EPHA3: variants seen among roughly 807,000 people sequenced by gnomAD.
EPHA3 encodes the protein ephrin type-A receptor 3.
EPHA3 carries 42 observed loss-of-function variants against 107.1 expected under a neutral mutation model. That is an observed-to-expected ratio of 0.39 (90% CI 0.31 to 0.51). EPHA3 has a LOEUF of 0.51. EPHA3 is among the 20% of genes least tolerant of loss of function. EPHA3 has a pLI of 0.78. For synonymous variants in EPHA3, 461 were observed against 424.8 expected (o/e 1.09, Z -1.05); for missense variants, 1,183 against 1,211.2 (o/e 0.98, Z 0.35).
chr3:89,311,406 C>T (rs1706763074), intron 3 of EPHA3, among the ~76,000 whole-genome samples: 1 of 151,940 alleles, frequency 6.6e-6, no homozygotes, highest in African/African-American at 2.4e-5. Flanking sequence ...TAAGTGAAAC[C>T]ATGCAAACTT....
intron 2 of EPHA3, among the ~76,000 whole-genome samples, chr3:89,201,322 G>T (rs1328363696): frequency 6.6e-6 from 1 of 152,116 alleles, no homozygotes; most frequent in Non-Finnish European, 1.5e-5. Context: ...CAACATTGGG[G>T]ATTACCATTC....
intron 2 of EPHA3, among the ~76,000 whole-genome samples, chr3:89,139,044 T>C: frequency 6.6e-6 from 1 of 151,808 alleles, no homozygotes; most frequent in East Asian, 1.9e-4. Context: ...TTCCCTTCTG[T>C]ATAACAGTCA....
At chr3:89,431,465 C>A in intron 13 of EPHA3, 106 bp downstream of exon 13, 3 of 835,108 alleles carry the variant, frequency 3.6e-6, no homozygotes, top group Non-Finnish European at 5.5e-6. Flanking sequence ...GTCAATTATG[C>A]TTTCCACAAT....
intron 5 of EPHA3, among the ~76,000 whole-genome samples, chr3:89,385,068 C>T (rs1708589199): frequency 6.6e-6 from 1 of 152,112 alleles, no homozygotes; most frequent in South Asian, 2.1e-4. Context: ...AAATATTATA[C>T]ATACATATCT....
At chr3:89,172,843 A>G (rs1319610238) in intron 2 of EPHA3, among the ~76,000 whole-genome samples, 1 of 152,202 alleles carries the variant, frequency 6.6e-6, no homozygotes, top group East Asian at 1.9e-4. Flanking sequence ...CTGTCTCTGT[A>G]ATAAAAATAA....
In EPHA3 at chr3:89,291,223, A is replaced by T. The variant is rs540671412; in HGVS notation, c.815-49693A>T. On this transcript the variant is annotated intron_variant, in intron 3 of 16. Coordinates refer to ENST00000336596, the MANE Select transcript of EPHA3 (RefSeq NM_005233.6). ...ATATATTATGGGGTTGGTCTAGTTT[A>T]TCTTTGGAGTTCCTCCAACTTCTCA... 3.3e-5 allele frequency among the ~76,000 whole-genome samples: 5 copies of T among 152,160 alleles called. No individual in the cohort carries two copies. In the East Asian group the frequency reaches 9.6e-4, roughly 29 times the overall value.
At chr3:89,212,409 T>C (rs1704123473) in intron 3 of EPHA3, among the ~76,000 whole-genome samples, 2 of 151,998 alleles carry the variant, frequency 1.3e-5, no homozygotes, top group African/African-American at 4.8e-5. Context: ...ATTAAAATTA[T>C]AAAGTGACAT....
At chr3:89,230,132 C>T (rs1176713381) in intron 3 of EPHA3, among the ~76,000 whole-genome samples, 3 of 151,932 alleles carry the variant, frequency 2.0e-5, no homozygotes, top group Admixed American at 2.0e-4. Flanking sequence ...GAGAGGAAGA[C>T]CCAGAGCAAT....
At chr3:89,183,761 T>C (rs1161226700) in intron 2 of EPHA3, among the ~76,000 whole-genome samples, 6 of 152,014 alleles carry the variant, frequency 3.9e-5, no homozygotes, top group Non-Finnish European at 5.9e-5. Flanking sequence ...CTTTGTTTAA[T>C]GGCTCAAGAA....
Position 89,322,539 on chromosome 3 carries a change from G to A in EPHA3, c.815-18377G>A, listed in dbSNP as rs913572910. On this transcript the variant is annotated intron_variant, in intron 3 of 16. Transcript: ENST00000336596. Reference sequence around the variant, plus strand: ...ATACATGTTTGGAAACTATGTAAATGAAGGCTCCTTCCAAAAGTGAGGACG... The same window carrying A: ...ATACATGTTTGGAAACTATGTAAATAAAGGCTCCTTCCAAAAGTGAGGACG... Among the ~76,000 whole-genome samples, 30 of 152,124 alleles carry A rather than the reference G, an allele frequency of 2.0e-4. 1 individual carries two copies. The highest frequency in any genetic ancestry group is 2.2e-4 in the Non-Finnish European group (15 of 68,016).
intron 2 of EPHA3, among the ~76,000 whole-genome samples, chr3:89,142,964 T>TG (rs1360267101): frequency 1.3e-5 from 2 of 151,286 alleles, no homozygotes; most frequent in East Asian, 1.9e-4. Context: ...AACAATAGAA[T>TG]GGGGAAATCC....
chr3:89,151,527 T>TAGCTTAGG (rs1704689927), intron 2 of EPHA3, among the ~76,000 whole-genome samples: 2 of 151,996 alleles, frequency 1.3e-5, no homozygotes, highest in Non-Finnish European at 2.9e-5. Flanking sequence ...AGGGTCAGCA[T>TAGCTTAGG]AGTGAGGAGC....
chr3:89,113,201 G>T (rs940770961), intron 1 of EPHA3, among the ~76,000 whole-genome samples: 3 of 152,034 alleles, frequency 2.0e-5, no homozygotes, highest in Non-Finnish European at 2.9e-5. Context: ...CAGAAATGTG[G>T]AAACCTTAGC....
In EPHA3 at chr3:89,381,386, T is replaced by C. The variant is rs569372123; in HGVS notation, c.1307-14451T>C. Among the ~76,000 whole-genome samples, 17 of 152,044 alleles carry C rather than the reference T, an allele frequency of 1.1e-4. No homozygotes were observed. In the East Asian group the frequency reaches 3.3e-3, roughly 30 times the overall value. On this transcript the variant is annotated intron_variant, in intron 5 of 16. Coordinates refer to ENST00000336596, the MANE Select transcript of EPHA3 (RefSeq NM_005233.6). ...ACATTTATACATTGAAACCCAATCA[T>C]CAGCGTGGTATGATGGCTCATGCCT...
At chr3:89,296,338 A>T (rs1363136459) in intron 3 of EPHA3, among the ~76,000 whole-genome samples, 1 of 152,242 alleles carries the variant, frequency 6.6e-6, no homozygotes, top group Non-Finnish European at 1.5e-5. Flanking sequence ...AAGACAGGAA[A>T]GTCAAAATTA....
intron 5 of EPHA3, among the ~76,000 whole-genome samples, chr3:89,367,577 A>T (rs2107466093): frequency 6.6e-6 from 1 of 150,700 alleles, no homozygotes; most frequent in East Asian, 1.9e-4. Context: ...GAGGAGAAAA[A>T]AACAAAAACA....
intron 5 of EPHA3, among the ~76,000 whole-genome samples, chr3:89,353,201 C>T (rs1707869078): frequency 6.6e-6 from 1 of 151,170 alleles, no homozygotes; most frequent in Non-Finnish European, 1.5e-5. Context: ...GGTATAGTCC[C>T]TATAGAACTG....
intron 3 of EPHA3, among the ~76,000 whole-genome samples, chr3:89,239,497 T>A (rs1412729810): frequency 6.6e-6 from 1 of 152,216 alleles, no homozygotes; most frequent in Non-Finnish European, 1.5e-5. Context: ...GTGCTGTAAA[T>A]TTTAAAACCA....
chr3:89,371,625 A>G (rs1307866366), intron 5 of EPHA3, among the ~76,000 whole-genome samples: 1 of 151,582 alleles, frequency 6.6e-6, no homozygotes, highest in Non-Finnish European at 1.5e-5. Flanking sequence ...ACCGTGTGGC[A>G]CATTTAGATT....
Sources: allele counts gnomAD v4.1 joint callset (sites outside exome capture counted in the v4.1 genomes callset), GRCh38; gene constraint gnomAD v4.1.1; transcripts MANE v1.5; gene names NCBI Gene and HGNC (gene_info 2026-07-23, HGNC 2026-07-21).